ADD2: variants seen among roughly 807,000 people sequenced by gnomAD.
ADD2 encodes the protein adducin 2.
In ADD2, 23 loss-of-function variants were observed where a neutral mutation model predicts 83.0. The observed-to-expected ratio is 0.28, with a 90% confidence interval of 0.20 to 0.39. The LOEUF is 0.39. Ranked by LOEUF, ADD2 falls within the 10% of genes least tolerant of loss-of-function variation. ADD2 has a pLI of 1.00. For synonymous variants in ADD2, 375 were observed against 375.4 expected (o/e 1.00, Z 0.01); for missense variants, 758 against 944.9 (o/e 0.80, Z 2.59).
rs36101912 is a variant in ADD2, at chr2:70,665,818, GTT to G, written c.1871-2085_1871-2084del. On this transcript the variant is annotated intron_variant, in intron 15 of 15. Coordinates refer to ENST00000264436, the MANE Select transcript of ADD2 (RefSeq NM_001617.4). ...GCAAAACGATCACACTTGTTTTTTTGTTTTTTTTTTTTTCCCGAAACAGTCCT... is the reference window on the plus strand; with the variant it reads ...GCAAAACGATCACACTTGTTTTTTTGTTTTTTTTTTTCCCGAAACAGTCCT... 2.0e-4 allele frequency among the ~76,000 whole-genome samples: 29 copies of G among 144,446 alleles called. 1 individual carries two copies. The highest frequency in any genetic ancestry group is 5.5e-4 in the Admixed American group (8 of 14,500). The allele number at this position is 144,446 out of a possible 152,430, so 94.8% of individuals were successfully genotyped here. A position where few individuals can be genotyped will look rare whatever the true frequency, so the allele number is the denominator to read the frequency against.
chr2:70,691,460 C>T (rs1372770793), intron 7 of ADD2: 1 of 152,282 alleles, frequency 6.6e-6, no homozygotes, highest in Non-Finnish European at 1.5e-5. Context: ...GTATAAAGGT[C>T]CCACTTCAAA....
intron 15 of ADD2, among the ~76,000 whole-genome samples, chr2:70,665,044 G>A (rs918825776): frequency 9.9e-5 from 15 of 152,168 alleles, no homozygotes; most frequent in African/African-American, 3.4e-4. Context: ...TGAATGCAGT[G>A]TGTGTGTTGC....
chr2:70,736,241 T>C (rs1673553277), intron 1 of ADD2, among the ~76,000 whole-genome samples: 1 of 151,372 alleles, frequency 6.6e-6, no homozygotes, highest in Non-Finnish European at 1.5e-5. Flanking sequence ...AAGGAGAGAG[T>C]CAAAGAGGTA....
intron 1 of ADD2, among the ~76,000 whole-genome samples, chr2:70,724,109 C>T (rs1278934275): frequency 6.6e-6 from 1 of 152,224 alleles, no homozygotes; most frequent in East Asian, 1.9e-4. Flanking sequence ...GCCTTAAAAG[C>T]TGTCTTGTGG....
At chr2:70,701,142 C>T (rs1468734409) in intron 4 of ADD2, among the ~76,000 whole-genome samples, 1 of 151,880 alleles carries the variant, frequency 6.6e-6, no homozygotes, top group Non-Finnish European at 1.5e-5. Context: ...AATATGAATG[C>T]AAAAATCTTT....
intron 8 of ADD2, 44 bp downstream of exon 8, chr2:70,690,742 G>A: frequency 6.4e-7 from 1 of 1,574,588 alleles, no homozygotes; most frequent in South Asian, 1.2e-5. Flanking sequence ...GTTGGCTTTT[G>A]ACAATGCCAC....
At chr2:70,744,945 T>C (rs1337713177) in intron 1 of ADD2, among the ~76,000 whole-genome samples, 1 of 152,104 alleles carries the variant, frequency 6.6e-6, no homozygotes, top group Non-Finnish European at 1.5e-5. Context: ...GTACCTCTAA[T>C]TGTCTTCTTT....
chr2:70,697,997 C>T lies in ADD2; in HGVS notation c.323-1601G>A, dbSNP rs529882709. Among the ~76,000 whole-genome samples, 87 of 152,300 alleles carry T rather than the reference C, an allele frequency of 5.7e-4. 1 individual carries two copies. Among genetic ancestry groups the T allele is most frequent in the Non-Finnish European group, 9.3e-4 (63 of 68,014 alleles). On this transcript the variant is annotated intron_variant, in intron 4 of 15. Coordinates refer to ENST00000264436, the MANE Select transcript of ADD2 (RefSeq NM_001617.4). ...GACTGCCAAGGACAACAACAAACTTCCAAAGTTAAGGATTTCTAATTCAAA... is the reference window on the plus strand; with the variant it reads ...GACTGCCAAGGACAACAACAAACTTTCAAAGTTAAGGATTTCTAATTCAAA...
At chr2:70,742,955 C>T (rs1249078400) in intron 1 of ADD2, among the ~76,000 whole-genome samples, 1 of 152,138 alleles carries the variant, frequency 6.6e-6, no homozygotes, top group Non-Finnish European at 1.5e-5. Context: ...CTTTGAAAAT[C>T]TTATTAAATC....
Position 70,690,837 on chromosome 2 carries a change from C to G in ADD2, c.798G>C (p.Glu266Asp). The G allele has an allele frequency of 6.2e-7, 1 of 1,614,198 alleles. No individual in the cohort carries two copies. Among genetic ancestry groups the G allele is most frequent in the Non-Finnish European group, 8.5e-7 (1 of 1,180,036 alleles). ...MAYYDFNGEM[E>D]QEADRINLQK... ...GCAGGTTGATCCGATCGGCTTCCTG[C>G]TCCATTTCCCCATTGAAGTCATAAT... Residue 266 changes from glutamate (E) to aspartate (D), a missense_variant, in exon 8 of 16, where the codon GAG becomes GAC. Physicochemically the swap from Glu to Asp is conservative, Grantham distance 45. Transcript: ENST00000264436.
intron 8 of ADD2, 98 bp downstream of exon 8, chr2:70,690,688 T>C (rs1574247686): frequency 7.2e-7 from 1 of 1,385,050 alleles, no homozygotes; most frequent in East Asian, 2.4e-5. Context: ...TTCCCCCCTC[T>C]CTCCCTCCCT....
At chr2:70,738,026 A>C (rs4852705) in intron 1 of ADD2, among the ~76,000 whole-genome samples, 52,055 of 152,030 alleles carry the variant, frequency 0.34, 8,973 homozygotes, top group Middle Eastern at 0.41. Flanking sequence ...GAGCTGAACA[A>C]TGGATCTGGG....
rs570287676 is a variant in ADD2 at position 70,706,737 on chromosome 2, C to T, written c.-34-295G>A. 7.2e-5 allele frequency among the ~76,000 whole-genome samples: 11 copies of T among 152,288 alleles called. No homozygotes were observed. In the South Asian group the frequency reaches 1.9e-3, roughly 26 times the overall value. ...ACTTGGCTTGGAGTAGAGAGTTCCC[C>T]GAATGGAAACATGACCTGCAGACCT... On this transcript the variant is annotated intron_variant, in intron 2 of 15. Coordinates refer to ENST00000264436, the MANE Select transcript of ADD2 (RefSeq NM_001617.4). The surrounding 1 kb of genome is among the most constrained non-coding windows in gnomAD (Gnocchi z 5.0).
chr2:70,750,643 C>A (rs1674461856), intron 1 of ADD2, among the ~76,000 whole-genome samples: 1 of 152,126 alleles, frequency 6.6e-6, no homozygotes, highest in Admixed American at 6.5e-5. Context: ...GGAAGGAGTA[C>A]CCTAGAGCCT....
chr2:70,677,976 G>A (rs1670260378), intron 11 of ADD2, 99 bp from the exon 12 acceptor site: 2 of 1,515,722 alleles, frequency 1.3e-6, no homozygotes, highest in Non-Finnish European at 1.8e-6. Flanking sequence ...ATCCTGCATG[G>A]AAGGTCAGCA....
Position 70,704,263 on chromosome 2 carries a change from T to TGGGCCC in ADD2, c.322+57_322+58insGGGCCC. On this transcript the variant is annotated intron_variant, in intron 4 of 15. Coordinates refer to ENST00000264436, the MANE Select transcript of ADD2 (RefSeq NM_001617.4). The stretch of plus-strand genomic sequence containing the variant: ...TGCTTCTTGCTGCTCCTCCCTCTCT[T>TGGGCCC]CCCCACCCCACCCTCCCCTCCACCT... The TGGGCCC allele has an allele frequency of 5.5e-6, 5 of 913,238 alleles. No homozygotes were observed. In the East Asian group the frequency reaches 8.8e-5, roughly 16 times the overall value. The allele number at this position is 913,238 out of a possible 1,614,324, so 56.6% of individuals were successfully genotyped here.
chr2:70,716,392 G>C (rs1193666306), intron 1 of ADD2, among the ~76,000 whole-genome samples: 1 of 152,082 alleles, frequency 6.6e-6, no homozygotes, highest in Non-Finnish European at 1.5e-5. Flanking sequence ...GCTGGAGTCT[G>C]CCAGGAACAC....
intron 4 of ADD2, among the ~76,000 whole-genome samples, chr2:70,701,969 T>C (rs1305854870): frequency 6.6e-6 from 1 of 152,234 alleles, no homozygotes; most frequent in Non-Finnish European, 1.5e-5. Flanking sequence ...ATGTGCCAGA[T>C]ACATTCTAAA....
Position 70,767,894 on chromosome 2 carries a change from C to T in ADD2, c.-162G>A, listed in dbSNP as rs1480417837. 23 of 1,535,742 alleles carry T rather than the reference C, an allele frequency of 1.5e-5. No homozygotes were observed. The highest frequency in any genetic ancestry group is 1.9e-5 in the Non-Finnish European group (22 of 1,146,776). On this transcript the variant is annotated 5_prime_UTR_variant, in exon 1 of 16. Transcript: ENST00000264436. ...GCTCCCCAGACCCTTACCTCCTGCG[C>T]GGCATCTTAGCTATCTCCGGTCGGC...
Sources: gnomAD v4.1 joint callset for allele counts (sites outside exome capture counted in the v4.1 genomes callset) on GRCh38, gnomAD v4.1.1 for gene constraint, Gnocchi (gnomAD v3.1) non-coding constraint, MANE v1.5 for transcripts, NCBI Gene and HGNC (gene_info 2026-07-23, HGNC 2026-07-21) for gene names.